The following FTO variants were observed in gnomAD, a reference collection of about 807,000 sequenced individuals.
FTO encodes the protein FTO alpha-ketoglutarate dependent dioxygenase.
A neutral mutation model predicts 63.9 loss-of-function variants in FTO; 47 were observed. That is an observed-to-expected ratio of 0.74 (90% CI 0.58 to 0.94). The LOEUF is 0.94. FTO is among the 40% of genes least tolerant of loss of function. The pLI, the probability that FTO is intolerant of heterozygous loss-of-function variation, is 0.00. For synonymous variants in FTO, 207 were observed against 224.4 expected (o/e 0.92, Z 0.69); for missense variants, 562 against 618.1 (o/e 0.91, Z 0.96).
intron 1 of FTO, among the ~76,000 whole-genome samples, chr16:53,762,193 A>T (rs932192967): frequency 6.6e-6 from 1 of 152,184 alleles, no homozygotes; most frequent in Non-Finnish European, 1.5e-5. Context: ...TTTTACCGGT[A>T]AACAGGCACT....
chr16:53,888,701 G>T, intron 6 of FTO, 131 bp from the exon 7 acceptor site: 1 of 968,950 alleles, frequency 1.0e-6, no homozygotes, highest in African/African-American at 1.6e-5. Flanking sequence ...AACTGGTTAG[G>T]CTGACCTTTC....
At chr16:53,975,185 AT>A (rs1386997416) in intron 8 of FTO, among the ~76,000 whole-genome samples, 3 of 151,062 alleles carry the variant, frequency 2.0e-5, no homozygotes, top group Non-Finnish European at 4.4e-5. Flanking sequence ...AGAGTCACGT[AT>A]TTTGGTTTTA....
At chr16:53,825,806 G>T (rs1389261522) in intron 2 of FTO, 58 bp from the exon 3 acceptor site, 3 of 1,590,266 alleles carry the variant, frequency 1.9e-6, no homozygotes, top group Non-Finnish European at 2.6e-6. Flanking sequence ...CACACCTTTG[G>T]AAATAATACA....
chr16:54,017,074 G>A (rs1320525324), intron 8 of FTO, among the ~76,000 whole-genome samples: 1 of 152,198 alleles, frequency 6.6e-6, no homozygotes, highest in Non-Finnish European at 1.5e-5. Flanking sequence ...AATCATGAGT[G>A]TAAAGCCTGA....
chr16:54,004,905 C>T (rs531858890), intron 8 of FTO, among the ~76,000 whole-genome samples: 3 of 151,936 alleles, frequency 2.0e-5, no homozygotes, highest in South Asian at 4.2e-4. Context: ...CCCATCTCTA[C>T]TAAAAATACA....
chr16:53,848,844 G>A (rs1419809607), intron 4 of FTO, among the ~76,000 whole-genome samples: 1 of 151,942 alleles, frequency 6.6e-6, no homozygotes, highest in East Asian at 1.9e-4. Context: ...AAACATTTGG[G>A]GCAAAAACCC....
chr16:53,987,031 C>T (rs1429760339), intron 8 of FTO, among the ~76,000 whole-genome samples: 2 of 151,896 alleles, frequency 1.3e-5, no homozygotes, highest in Non-Finnish European at 2.9e-5. Context: ...TGTAATACCA[C>T]GCAGATGTAA....
chr16:53,995,041 A>G (rs1254033480), intron 8 of FTO, among the ~76,000 whole-genome samples: 12 of 152,178 alleles, frequency 7.9e-5, no homozygotes, highest in African/African-American at 2.7e-4. Context: ...TCATATACCC[A>G]TGCAGCATGT....
intron 1 of FTO, among the ~76,000 whole-genome samples, chr16:53,808,437 A>G (rs535397189): frequency 6.6e-6 from 1 of 152,288 alleles, no homozygotes; most frequent in East Asian, 1.9e-4. Flanking sequence ...AATAAATATA[A>G]TAGAATTATG....
At chr16:53,874,703 G>A (rs2080597851) in intron 5 of FTO, among the ~76,000 whole-genome samples, 1 of 152,176 alleles carries the variant, frequency 6.6e-6, no homozygotes, top group Non-Finnish European at 1.5e-5. Flanking sequence ...GCAGTGTTGT[G>A]TCTTTTGGTC....
chr16:53,799,678 A>G (rs554268920), intron 1 of FTO, among the ~76,000 whole-genome samples: 39 of 152,236 alleles, frequency 2.6e-4, no homozygotes, highest in Non-Finnish European at 5.6e-4. Flanking sequence ...TACATCTCCT[A>G]CTTAGCCGAG....
At chr16:54,109,774 T>C (rs1271606508) in intron 8 of FTO, among the ~76,000 whole-genome samples, 2 of 152,206 alleles carry the variant, frequency 1.3e-5, no homozygotes, top group African/African-American at 4.8e-5. Context: ...TTTCATACTT[T>C]CTCAAAGTAC....
At chr16:53,843,111 A>G (rs2079522029) in intron 3 of FTO, among the ~76,000 whole-genome samples, 1 of 152,194 alleles carries the variant, frequency 6.6e-6, no homozygotes, top group Non-Finnish European at 1.5e-5. Flanking sequence ...ATCATAATTT[A>G]TTTAACCAGA....
At chr16:53,988,955 C>G (rs2083735637) in intron 8 of FTO, among the ~76,000 whole-genome samples, 1 of 148,874 alleles carries the variant, frequency 6.7e-6, no homozygotes. Context: ...ATTCAGAAAA[C>G]CATTTTTTGG....
chr16:54,051,154 C>G (rs775719708), intron 8 of FTO, among the ~76,000 whole-genome samples: 23 of 152,302 alleles, frequency 1.5e-4, no homozygotes, highest in African/African-American at 5.3e-4. Flanking sequence ...CAACTGCTAA[C>G]GGTTACTGCC....
intron 7 of FTO, among the ~76,000 whole-genome samples, chr16:53,925,452 C>T (rs189697363): frequency 4.9e-4 from 75 of 151,976 alleles, no homozygotes; most frequent in African/African-American, 1.5e-3. Context: ...TTTGAAATTG[C>T]AAGAACAGTA....
At chr16:53,764,966 C>T (rs1026716937) in intron 1 of FTO, among the ~76,000 whole-genome samples, 6 of 151,924 alleles carry the variant, frequency 3.9e-5, no homozygotes, top group Non-Finnish European at 7.4e-5. Context: ...ATGATCTGCC[C>T]GCTTCGGCCT....
At chr16:53,900,007 A>C (rs2081362755) in intron 7 of FTO, among the ~76,000 whole-genome samples, 1 of 152,178 alleles carries the variant, frequency 6.6e-6, no homozygotes, top group African/African-American at 2.4e-5. Flanking sequence ...CTTCCTCCCC[A>C]CCAACCCACC....
intron 1 of FTO, among the ~76,000 whole-genome samples, chr16:53,796,769 T>G (rs2078084703): frequency 6.6e-6 from 1 of 152,218 alleles, no homozygotes; most frequent in Admixed American, 6.5e-5. Flanking sequence ...AATCCTTACT[T>G]ACTCTTCTTC....
Sources: allele counts gnomAD v4.1 joint callset (sites outside exome capture counted in the v4.1 genomes callset), GRCh38; gene constraint gnomAD v4.1.1; transcripts MANE v1.5; gene names NCBI Gene and HGNC (gene_info 2026-07-23, HGNC 2026-07-21).